The following EEFSEC variants were observed in gnomAD, a reference collection of about 807,000 sequenced individuals.
EEFSEC encodes the protein eukaryotic elongation factor, selenocysteine-tRNA specific.
In EEFSEC, 43 loss-of-function variants were observed where a neutral mutation model predicts 42.1. The ratio of observed to expected loss-of-function variants is 1.02; its 90% CI spans 0.80 to 1.32. The LOEUF (loss-of-function observed/expected upper bound fraction) is 1.32, where lower values mean the gene tolerates loss of function less well. Among genes scored for constraint, EEFSEC ranks in the 40% most tolerant of loss-of-function variants. The pLI, the probability that EEFSEC is intolerant of heterozygous loss-of-function variation, is 0.00. For synonymous variants in EEFSEC, 354 were observed against 339.1 expected (o/e 1.04, Z -0.48); for missense variants, 745 against 803.6 (o/e 0.93, Z 0.88).
At chr3:128,191,573 T>G (rs2065524988) in intron 1 of EEFSEC, among the ~76,000 whole-genome samples, 1 of 152,184 alleles carries the variant, frequency 6.6e-6, no homozygotes, top group African/African-American at 2.4e-5. Flanking sequence ...TTTCTAACTT[T>G]CCATCACCCC....
At chr3:128,203,501 G>A (rs1194071949) in intron 1 of EEFSEC, among the ~76,000 whole-genome samples, 1 of 152,136 alleles carries the variant, frequency 6.6e-6, no homozygotes, top group Non-Finnish European at 1.5e-5. Context: ...CCTTGTGTGC[G>A]GGCACTGGGC....
At position 128,341,384 on chromosome 3, in the gene EEFSEC, A is replaced by G. The variant is rs1456384627; in HGVS notation, c.938A>G (p.His313Arg). The G allele has an allele frequency of 1.2e-6, 2 of 1,614,016 alleles. No individual in the cohort carries two copies. The highest frequency in any genetic ancestry group is 1.7e-5 in the Admixed American group (1 of 60,000). Residue 313 changes from histidine to arginine, a missense_variant, in exon 5 of 7, where the codon CAT (histidine) becomes CGT (arginine). Coordinates refer to ENST00000254730, the MANE Select transcript of EEFSEC (RefSeq NM_021937.5). Reference sequence around the variant, plus strand: ...GCCCCCGAGTCCCTGCACACTGTCCATGCGGCCCTCATCTCTGTGGAAAAG... The same window carrying G: ...GCCCCCGAGTCCCTGCACACTGTCCGTGCGGCCCTCATCTCTGTGGAAAAG... The part of the protein sequence containing the change: ...VCAPESLHTV[H>R]AALISVEKIP...
chr3:128,348,277 C>CGTGTGTGTGTGTGTGCGTGT (rs1559933272), intron 5 of EEFSEC, among the ~76,000 whole-genome samples: 2 of 78,032 alleles, frequency 2.6e-5, no homozygotes, highest in Admixed American at 1.3e-4. Context: ...TGTGCGTGTG[C>CGTGTGTGTGTGTGTGCGTGT]GTGTGTGTGT....
intron 5 of EEFSEC, among the ~76,000 whole-genome samples, chr3:128,357,682 A>C (rs2067471862): frequency 1.3e-5 from 2 of 152,030 alleles, no homozygotes; most frequent in Admixed American, 1.3e-4. Flanking sequence ...CAGAGTGAGG[A>C]GGCCAGTTCT....
chr3:128,189,558 C>CTT (rs3037702), intron 1 of EEFSEC, among the ~76,000 whole-genome samples: 17 of 137,146 alleles, frequency 1.2e-4, no homozygotes, highest in African/African-American at 4.1e-4. Context: ...GACTTCTTTT[C>CTT]TTTTTTTTTT....
chr3:128,330,379 C>T (rs1373842217), intron 4 of EEFSEC, among the ~76,000 whole-genome samples: 1 of 152,144 alleles, frequency 6.6e-6, no homozygotes, highest in Non-Finnish European at 1.5e-5. Flanking sequence ...TGCTGAGGAT[C>T]GGTGGTGAGC....
At chr3:128,398,526 T>C (rs1431145696) in intron 6 of EEFSEC, among the ~76,000 whole-genome samples, 1 of 152,104 alleles carries the variant, frequency 6.6e-6, no homozygotes, top group Admixed American at 6.5e-5. Context: ...GGTTTTGTCC[T>C]AGAAGAATCT....
chr3:128,347,783 A>G (rs1021280044), intron 5 of EEFSEC, among the ~76,000 whole-genome samples: 1 of 152,228 alleles, frequency 6.6e-6, no homozygotes, highest in Non-Finnish European at 1.5e-5. Context: ...ACATAAAAAT[A>G]AAACAGTAGA....
intron 4 of EEFSEC, among the ~76,000 whole-genome samples, chr3:128,329,943 G>A (rs975203976): frequency 6.6e-6 from 1 of 152,238 alleles, no homozygotes; most frequent in Non-Finnish European, 1.5e-5. Context: ...GCCCACAGGT[G>A]AGGTACTGTT....
chr3:128,325,404 G>A (rs181996680), intron 4 of EEFSEC, among the ~76,000 whole-genome samples: 44 of 152,308 alleles, frequency 2.9e-4, no homozygotes, highest in African/African-American at 8.9e-4. Flanking sequence ...CAGCTGAGGG[G>A]CCTTGGGCAG....
At chr3:128,344,261 A>C (rs2067287422) in intron 5 of EEFSEC, among the ~76,000 whole-genome samples, 1 of 152,254 alleles carries the variant, frequency 6.6e-6, no homozygotes, top group South Asian at 2.1e-4. Flanking sequence ...GATTAAGCAT[A>C]TACTATGCGC....
At chr3:128,411,671 C>T (rs1332439077), downstream of EEFSEC, among the ~76,000 whole-genome samples, 5 of 152,180 alleles carry the variant, frequency 3.3e-5, no homozygotes, top group African/African-American at 7.2e-5. Context: ...GGCAGGCCCC[C>T]GACCAGCAGG....
chr3:128,179,845 C>T (rs1298279830), intron 1 of EEFSEC, among the ~76,000 whole-genome samples: 5 of 151,952 alleles, frequency 3.3e-5, no homozygotes, highest in Admixed American at 6.5e-5. Flanking sequence ...TATGCAAGTA[C>T]ATTTGAGTCA....
chr3:128,281,679 C>A (rs2066527275), intron 4 of EEFSEC, among the ~76,000 whole-genome samples: 2 of 152,070 alleles, frequency 1.3e-5, no homozygotes, highest in Non-Finnish European at 2.9e-5. Context: ...AACCAGCATG[C>A]CACCTCTGGG....
chr3:128,177,377 T>C lies in EEFSEC; in HGVS notation c.316+23554T>C, dbSNP rs1442399170. 5.9e-5 allele frequency among the ~76,000 whole-genome samples: 9 copies of C among 151,708 alleles called. No homozygotes were observed. In the East Asian group the frequency reaches 1.4e-3, roughly 23 times the overall value. On this transcript the variant is annotated intron_variant, in intron 1 of 6. Transcript: ENST00000254730. ...CTTGTTGGGGGTGTCCTCCTTTCAATTGGAGAAATAGTGACACCACCCCCA... is the reference window on the plus strand; with the variant it reads ...CTTGTTGGGGGTGTCCTCCTTTCAACTGGAGAAATAGTGACACCACCCCCA...
intron 1 of EEFSEC, among the ~76,000 whole-genome samples, chr3:128,194,507 A>G (rs1205678375): frequency 6.6e-6 from 1 of 152,198 alleles, no homozygotes; most frequent in Non-Finnish European, 1.5e-5. Context: ...TGGGAAATCT[A>G]TCTGGATCCT....
chr3:128,302,510 TA>T (rs1424792764), intron 4 of EEFSEC, among the ~76,000 whole-genome samples: 1 of 152,218 alleles, frequency 6.6e-6, no homozygotes, highest in Non-Finnish European at 1.5e-5. Context: ...CTAAAACAAT[TA>T]TTTTTTTAAA....
At chr3:128,210,791 A>G (rs575645018) in intron 1 of EEFSEC, among the ~76,000 whole-genome samples, 7 of 152,318 alleles carry the variant, frequency 4.6e-5, no homozygotes, top group African/African-American at 9.6e-5. Flanking sequence ...GAAAATGCTG[A>G]TTGCTGACCT....
intron 4 of EEFSEC, among the ~76,000 whole-genome samples, chr3:128,286,851 A>G (rs75243378): frequency 0.014 from 2,190 of 152,358 alleles, 50 homozygotes; most frequent in African/African-American, 0.048. Context: ...ATACAGAGGC[A>G]TCTACCTATC....
Sources: gnomAD v4.1 joint callset for allele counts (sites outside exome capture counted in the v4.1 genomes callset) on GRCh38, gnomAD v4.1.1 for gene constraint, MANE v1.5 for transcripts, NCBI Gene and HGNC (gene_info 2026-07-23, HGNC 2026-07-21) for gene names.